PMS1: variants seen among roughly 807,000 people sequenced by gnomAD.
The protein encoded by PMS1 is PMS1 protein homolog 1.
Under a neutral mutation model 93.1 loss-of-function variants are expected in PMS1, and 79 were observed. The ratio of observed to expected loss-of-function variants is 0.85; its 90% CI spans 0.71 to 1.02. The LOEUF (loss-of-function observed/expected upper bound fraction) is 1.02, where lower values mean the gene tolerates loss of function less well. Ranked by LOEUF, PMS1 falls within the 50% of genes least tolerant of loss-of-function variation. The probability of loss-of-function intolerance (pLI) is 0.00; values close to 1 mark genes in which losing one functional copy is unlikely to be tolerated. For synonymous variants in PMS1, 335 were observed against 363.4 expected, an observed-to-expected ratio of 0.92 and a Z score of 0.89; for missense variants, 1,064 against 1,085.3, an observed-to-expected ratio of 0.98 and a Z score of 0.28.
intron 6 of PMS1, among the ~76,000 whole-genome samples, chr2:189,852,009 T>C (rs2054788263): frequency 6.6e-6 from 1 of 152,210 alleles, no homozygotes; most frequent in South Asian, 2.1e-4. Flanking sequence ...CCTTCTTCAT[T>C]TTCTCTTTCT....
intron 3 of PMS1, among the ~76,000 whole-genome samples, chr2:189,803,652 A>AT (rs1320418424): frequency 6.6e-6 from 1 of 152,176 alleles, no homozygotes; most frequent in Admixed American, 6.5e-5. Flanking sequence ...TCCAAAAAAA[A>AT]GTTTCCTGCT....
intron 5 of PMS1, among the ~76,000 whole-genome samples, chr2:189,834,683 T>C (rs551669909): frequency 2.0e-5 from 3 of 152,234 alleles, no homozygotes; most frequent in Admixed American, 6.5e-5. Flanking sequence ...TTGAAAGTTA[T>C]GCAGAGATTA....
rs575293514 is a variant in PMS1, at chr2:189,844,145, T to C, written c.699+65T>C. 7.5e-6 allele frequency: 12 copies of C among 1,606,042 alleles called. No individual in the cohort carries two copies. In the Admixed American group the frequency reaches 1.0e-4, roughly 13 times the overall value. On this transcript the variant is annotated intron_variant, in intron 6 of 12. Transcript: ENST00000441310. ...CATGAAGCTGTTCACATATTTCCCT[T>C]TGGGGGAGTTACAGTGGCAAGAGGT...
At chr2:189,831,642 A>C (rs1490020678) in intron 5 of PMS1, among the ~76,000 whole-genome samples, 1 of 152,160 alleles carries the variant, frequency 6.6e-6, no homozygotes, top group African/African-American at 2.4e-5. Context: ...CACTGACATA[A>C]TTTTGATTTT....
At chr2:189,844,191 C>G in intron 6 of PMS1, 111 bp downstream of exon 6, 3 of 1,541,670 alleles carry the variant, frequency 1.9e-6, no homozygotes, top group South Asian at 1.2e-5. Context: ...ATATTTTAAT[C>G]AAATATGTGT....
intron 3 of PMS1, among the ~76,000 whole-genome samples, chr2:189,804,153 T>C (rs2050133814): frequency 6.6e-6 from 1 of 152,172 alleles, no homozygotes; most frequent in Non-Finnish European, 1.5e-5. Flanking sequence ...GCAGGGTTAG[T>C]CCTGGAACTC....
intron 9 of PMS1, among the ~76,000 whole-genome samples, chr2:189,859,537 G>A (rs1559314481): frequency 6.6e-6 from 1 of 152,116 alleles, no homozygotes; most frequent in Non-Finnish European, 1.5e-5. Flanking sequence ...AGAATTAGAA[G>A]CTCTGAGGAT....
At chr2:189,802,220 A>C (rs1170932380) in intron 3 of PMS1, among the ~76,000 whole-genome samples, 1 of 152,210 alleles carries the variant, frequency 6.6e-6, no homozygotes. Flanking sequence ...TTCGCTATGC[A>C]GTCAAAAATT....
chr2:189,832,791 G>A (rs944910715), intron 5 of PMS1, among the ~76,000 whole-genome samples: 3 of 152,108 alleles, frequency 2.0e-5, no homozygotes, highest in African/African-American at 2.4e-5. Flanking sequence ...AAATATTGTC[G>A]TATTTACCTA....
intron 5 of PMS1, among the ~76,000 whole-genome samples, chr2:189,834,609 C>T (rs901755281): frequency 2.0e-5 from 3 of 152,038 alleles, no homozygotes; most frequent in Non-Finnish European, 2.9e-5. Flanking sequence ...GATTTGATTA[C>T]GAATTGGAAA....
At chr2:189,877,140 A>G in intron 12 of PMS1, 132 bp from the exon 13 acceptor site, 1 of 754,382 alleles carries the variant, frequency 1.3e-6, no homozygotes, top group Non-Finnish European at 2.2e-6. Flanking sequence ...CATAGTTGAT[A>G]CTTAATAAAT....
intron 5 of PMS1, among the ~76,000 whole-genome samples, chr2:189,838,240 G>A (rs1420512924): frequency 2.6e-5 from 4 of 152,148 alleles, no homozygotes; most frequent in Non-Finnish European, 5.9e-5. Context: ...TAGACAAAAA[G>A]TGTAATTTTA....
At position 189,877,253 on chromosome 2, in the gene PMS1, T is replaced by C; in HGVS notation, c.2635-19T>C. The C allele has an allele frequency of 6.2e-7, 1 of 1,610,678 alleles. No homozygotes were observed. On this transcript the variant is annotated intron_variant, in intron 12 of 12. Transcript: ENST00000441310. ...TCAGGGTATATCATGGTAAAATGTG[T>C]GACTTTCCCTTTGGACAGGGAGAAG...
chr2:189,826,694 G>A (rs571960570), intron 5 of PMS1, among the ~76,000 whole-genome samples: 2 of 152,122 alleles, frequency 1.3e-5, no homozygotes, highest in East Asian at 1.9e-4. Context: ...TGTTTTCCAC[G>A]TATTTCTGTT....
chr2:189,875,955 C>CAA (rs561168809), intron 12 of PMS1, among the ~76,000 whole-genome samples: 3,091 of 45,524 alleles, frequency 0.068, 218 homozygotes, highest in African/African-American at 0.098. Flanking sequence ...GACTCTGTCT[C>CAA]AAAAAAAAAA....
chr2:189,819,524 T>C (rs1308051465), intron 5 of PMS1, among the ~76,000 whole-genome samples: 1 of 152,208 alleles, frequency 6.6e-6, no homozygotes, highest in East Asian at 1.9e-4. Context: ...CCCTTTTCTC[T>C]GCATCCTCAC....
chr2:189,850,082 A>G (rs1254517550), intron 6 of PMS1, among the ~76,000 whole-genome samples: 1 of 152,126 alleles, frequency 6.6e-6, no homozygotes, highest in African/African-American at 2.4e-5. Flanking sequence ...TTGCAGTCAT[A>G]ACATCTTTAA....
intron 1 of PMS1, among the ~76,000 whole-genome samples, chr2:189,787,607 T>TTA (rs1553552428): frequency 1.2e-4 from 18 of 151,474 alleles, no homozygotes; most frequent in African/African-American, 3.2e-4. Context: ...TTTTTTATTT[T>TTA]TTTTTTAGCT....
intron 9 of PMS1, among the ~76,000 whole-genome samples, chr2:189,862,018 G>A (rs1415782263): frequency 6.6e-6 from 1 of 151,676 alleles, no homozygotes; most frequent in Non-Finnish European, 1.5e-5. Context: ...GCATCTGTAA[G>A]TTGTATTTCT....
Sources: allele counts gnomAD v4.1 joint callset (sites outside exome capture counted in the v4.1 genomes callset), GRCh38; gene constraint gnomAD v4.1.1; transcripts MANE v1.5; gene names NCBI Gene and HGNC (gene_info 2026-07-23, HGNC 2026-07-21).